Variants in MTUS2 observed in about 807,000 individuals in gnomAD.
MTUS2 encodes the protein microtubule associated scaffold protein 2, also known as microtubule-associated tumor suppressor candidate 2.
A neutral mutation model predicts 114.1 loss-of-function variants in MTUS2; 40 were observed. The ratio of observed to expected loss-of-function variants is 0.35; its 90% CI spans 0.27 to 0.46. The LOEUF is 0.46. Among genes scored for constraint, MTUS2 ranks in the 20% least tolerant of loss-of-function variants. The pLI is 1.00. For missense variants in MTUS2, 1,679 were observed against 1,705.4 expected, an observed-to-expected ratio of 0.98 and a Z score of 0.27; for synonymous variants, 688 against 672.0, an observed-to-expected ratio of 1.02 and a Z score of -0.37.
At position 29,459,426 on chromosome 13, in the gene MTUS2, G is replaced by A. The variant is rs550428338; in HGVS notation, c.3184+19377G>A. Among the ~76,000 whole-genome samples, 65 of 152,116 alleles carry A rather than the reference G, an allele frequency of 4.3e-4. 1 individual carries two copies. The highest frequency in any genetic ancestry group is 7.1e-4 in the Non-Finnish European group (48 of 67,994). ...TGTGTTCTAATTCTGCTTCTTCCTC[G>A]TTATTATTATAGTGACTTAGTCTTT... On this transcript the variant is annotated intron_variant, in intron 9 of 15. Transcript: ENST00000612955.
At chr13:28,962,992 T>C (rs1020479270) in intron 2 of MTUS2, among the ~76,000 whole-genome samples, 1 of 152,176 alleles carries the variant, frequency 6.6e-6, no homozygotes. Flanking sequence ...ATAAACATAC[T>C]GTAATTGAGC....
intron 9 of MTUS2, among the ~76,000 whole-genome samples, chr13:29,479,858 C>T (rs563125008): frequency 1.3e-5 from 2 of 152,308 alleles, no homozygotes; most frequent in South Asian, 4.1e-4. Context: ...GCCCTAGAGG[C>T]CTTGCAATCA....
At chr13:29,267,915 A>C (rs1202990133) in intron 5 of MTUS2, among the ~76,000 whole-genome samples, 7 of 152,202 alleles carry the variant, frequency 4.6e-5, no homozygotes, top group Admixed American at 4.6e-4. Flanking sequence ...ACCAGCTGGG[A>C]AAATGAAAAC....
At chr13:28,876,403 G>A (rs535326628) in intron 2 of MTUS2, among the ~76,000 whole-genome samples, 6 of 152,306 alleles carry the variant, frequency 3.9e-5, no homozygotes, top group Non-Finnish European at 8.8e-5. Flanking sequence ...GTACGGCAGG[G>A]TTCCCGCATG....
intron 5 of MTUS2, among the ~76,000 whole-genome samples, chr13:29,254,053 T>C (rs1897216430): frequency 6.6e-6 from 1 of 152,090 alleles, no homozygotes; most frequent in Non-Finnish European, 1.5e-5. Context: ...GTAAACATAA[T>C]AAGCCTGAAG....
intron 2 of MTUS2, among the ~76,000 whole-genome samples, chr13:28,984,901 GTCAAA>G: frequency 6.6e-6 from 1 of 152,300 alleles, no homozygotes; most frequent in South Asian, 2.1e-4. Flanking sequence ...GTGTTTTCCT[GTCAAA>G]TGAGTTATAA....
chr13:29,359,052 C>G (rs1239715013), intron 7 of MTUS2, among the ~76,000 whole-genome samples: 1 of 151,470 alleles, frequency 6.6e-6, no homozygotes, highest in Non-Finnish European at 1.5e-5. Flanking sequence ...ATCCTTTTTC[C>G]AAGCACGAAA....
At chr13:29,225,424 A>G (rs1896068893) in intron 5 of MTUS2, among the ~76,000 whole-genome samples, 2 of 152,324 alleles carry the variant, frequency 1.3e-5, no homozygotes, top group South Asian at 2.1e-4. Context: ...TTTTCCTATC[A>G]CAACGGGGCA....
chr13:29,389,440 T>TGTATGTATACAC (rs1872996660), intron 8 of MTUS2, among the ~76,000 whole-genome samples: 5 of 30,188 alleles, frequency 1.7e-4, no homozygotes, highest in African/African-American at 4.0e-4. Flanking sequence ...CGTGTGTGTA[T>TGTATGTATACAC]GTGTATGTAT....
chr13:29,129,375 T>C (rs1891656821), intron 5 of MTUS2, among the ~76,000 whole-genome samples: 1 of 152,168 alleles, frequency 6.6e-6, no homozygotes, highest in South Asian at 2.1e-4. Context: ...GGGCTCATGA[T>C]GGCAACCTTT....
chr13:29,180,180 A>C (rs907233198), intron 5 of MTUS2, among the ~76,000 whole-genome samples: 1 of 152,244 alleles, frequency 6.6e-6, no homozygotes, highest in Admixed American at 6.5e-5. Context: ...GAGGGAAGGT[A>C]TTCCTTGAAG....
intron 5 of MTUS2, among the ~76,000 whole-genome samples, chr13:29,250,202 T>C (rs1021787998): frequency 1.3e-5 from 2 of 152,116 alleles, no homozygotes; most frequent in African/African-American, 4.8e-5. Flanking sequence ...GAATAACATG[T>C]TCAAGTTGAA....
In MTUS2 at chr13:29,038,756, T is replaced by C. The variant is rs114375007; in HGVS notation, c.2446+4631T>C. ...ATGCCCTGCCCAGACGGGAGGAATC[T>C]AGAGAGGCAGTCTGGTTACAGCCAC... On this transcript the variant is annotated intron_variant, in intron 4 of 15. Transcript: ENST00000612955. Among the ~76,000 whole-genome samples the C allele has an allele frequency of 4.3e-3, 661 of 152,364 alleles. 5 individuals are homozygous for C. Among genetic ancestry groups the C allele is most frequent in the African/African-American group, 0.015 (635 of 41,582 alleles).
intron 2 of MTUS2, among the ~76,000 whole-genome samples, chr13:28,949,971 A>G (rs762225931): frequency 1.3e-5 from 2 of 152,224 alleles, no homozygotes; most frequent in Non-Finnish European, 1.5e-5. Context: ...TATCCAACCC[A>G]GAAGGGGAAT....
intron 6 of MTUS2, among the ~76,000 whole-genome samples, chr13:29,286,678 C>CTATCTATCTATCTATCTATA (rs60054481): frequency 0.23 from 34,663 of 150,782 alleles, 4,148 homozygotes; most frequent in East Asian, 0.38. Context: ...GTCTGTCTAT[C>CTATCTATCTATCTATCTATA]TATCTATCTA....
chr13:29,296,197 TTTTGTTTGTTTGTTTGTTTG>T (rs59082438), intron 6 of MTUS2, among the ~76,000 whole-genome samples: 2 of 148,852 alleles, frequency 1.3e-5, no homozygotes, highest in African/African-American at 5.0e-5. Context: ...ATTTTTAGGT[TTTTGTTTGTTTGTTTGTTTG>T]TTTGTTTGTT....
At chr13:29,018,984 A>C (rs1206741403) in intron 2 of MTUS2, among the ~76,000 whole-genome samples, 1 of 152,032 alleles carries the variant, frequency 6.6e-6, no homozygotes, top group African/African-American at 2.4e-5. Context: ...TAAAGCATTG[A>C]TAATTGGTGA....
intron 3 of MTUS2, among the ~76,000 whole-genome samples, chr13:29,029,822 C>A (rs1886733673): frequency 6.6e-6 from 1 of 152,120 alleles, no homozygotes; most frequent in African/African-American, 2.4e-5. Flanking sequence ...CTCATGGGAA[C>A]TAATAGAGCA....
At chr13:28,841,604 A>G (rs895191496) in intron 2 of MTUS2, among the ~76,000 whole-genome samples, 5 of 152,080 alleles carry the variant, frequency 3.3e-5, no homozygotes, top group African/African-American at 7.2e-5. Flanking sequence ...GCTGGAGACA[A>G]ATTGACAAGA....
Sources: allele counts gnomAD v4.1 joint callset (sites outside exome capture counted in the v4.1 genomes callset), GRCh38; gene constraint gnomAD v4.1.1; transcripts MANE v1.5; gene names NCBI Gene and HGNC (gene_info 2026-07-23, HGNC 2026-07-21).